Variants in ADAMTS2 observed in about 807,000 individuals in gnomAD.
ADAMTS2 encodes A disintegrin and metalloproteinase with thrombospondin motifs 2.
ADAMTS2 carries 50 observed loss-of-function variants against 123.0 expected under a neutral mutation model. The ratio of observed to expected loss-of-function variants is 0.41; its 90% confidence interval spans 0.32 to 0.51. The LOEUF (loss-of-function observed/expected upper bound fraction) is 0.51, where lower values mean the gene tolerates loss of function less well. Ranked by LOEUF, ADAMTS2 falls within the 20% of genes least tolerant of loss-of-function variation. ADAMTS2 has a pLI of 0.35. For synonymous variants in ADAMTS2, 678 were observed against 695.4 expected, an observed-to-expected ratio of 0.98 and a Z score of 0.39; for missense variants, 1,494 against 1,705.2, an observed-to-expected ratio of 0.88 and a Z score of 2.18.
At chr5:179,168,709 G>A (rs763888482) in intron 5 of ADAMTS2, among the ~76,000 whole-genome samples, 29 of 152,194 alleles carry the variant, frequency 1.9e-4, no homozygotes, top group Non-Finnish European at 2.6e-4. Context: ...TATGGACAAA[G>A]CCAGAATGAA....
At chr5:179,216,603 G>A (rs1349632971) in intron 3 of ADAMTS2, among the ~76,000 whole-genome samples, 2 of 152,200 alleles carry the variant, frequency 1.3e-5, no homozygotes, top group Non-Finnish European at 2.9e-5. Context: ...GACTTCCCCA[G>A]GAGGGGCCTT....
chr5:179,258,786 C>T (rs538822797), intron 3 of ADAMTS2, among the ~76,000 whole-genome samples: 8 of 152,066 alleles, frequency 5.3e-5, no homozygotes, highest in South Asian at 2.1e-4. Flanking sequence ...CACAGGCAGC[C>T]GGGTGGGGCT....
At chr5:179,241,488 G>A (rs186220755) in intron 3 of ADAMTS2, among the ~76,000 whole-genome samples, 2 of 152,170 alleles carry the variant, frequency 1.3e-5, no homozygotes, top group Non-Finnish European at 1.5e-5. Context: ...CATGAGTCAG[G>A]GCTTTGGGCC....
chr5:179,189,262 G>T lies in ADAMTS2; in HGVS notation c.892-8107C>A, dbSNP rs1319612459. On this transcript the variant is annotated intron_variant, in intron 4 of 21. Transcript: ENST00000251582. The surrounding 1 kb of genome is among the most constrained non-coding windows in gnomAD (Gnocchi z 4.2). Reference sequence around the variant, plus strand: ...GCTTTTTAATCACCTGGGTGCAGGTGGGCTGAGTCCAAAAAGAGAGTCAGC... The same window carrying T: ...GCTTTTTAATCACCTGGGTGCAGGTTGGCTGAGTCCAAAAAGAGAGTCAGC... Among the ~76,000 whole-genome samples the T allele has an allele frequency of 6.6e-6, 1 of 152,152 alleles. No individual in the cohort carries two copies. The highest frequency in any genetic ancestry group is 1.5e-5 in the Non-Finnish European group (1 of 68,030).
At chr5:179,204,360 C>T (rs1764630601) in intron 4 of ADAMTS2, among the ~76,000 whole-genome samples, 1 of 152,104 alleles carries the variant, frequency 6.6e-6, no homozygotes, top group Non-Finnish European at 1.5e-5. Context: ...TATATTTCAC[C>T]GCAATTAAAA....
intron 21 of ADAMTS2, 71 bp downstream of exon 21, chr5:179,121,590 C>T: frequency 7.6e-7 from 1 of 1,316,370 alleles, no homozygotes; most frequent in African/African-American, 1.5e-5. Context: ...GGAGGGGGGC[C>T]CAAGGCAAGC....
intron 10 of ADAMTS2, 50 bp downstream of exon 10, chr5:179,152,092 T>C: frequency 6.4e-7 from 1 of 1,551,596 alleles, no homozygotes; most frequent in Non-Finnish European, 8.9e-7. Context: ...GCACCTAAGA[T>C]TCCTGTCCTC....
rs932866716 is a variant in ADAMTS2, at chr5:179,125,869, T to C, written c.2750+129A>G. 6 of 1,362,438 alleles carry C rather than the reference T, an allele frequency of 4.4e-6. No homozygotes were observed. In the African/African-American group the frequency reaches 7.3e-5, roughly 16 times the overall value. The allele number at this position is 1,362,438 out of a possible 1,614,324, so 84.4% of individuals were successfully genotyped here. A position where few individuals can be genotyped will look rare whatever the true frequency, so the allele number is the denominator to read the frequency against. On this transcript the variant is annotated intron_variant, in intron 18 of 21. Coordinates refer to ENST00000251582, the MANE Select transcript of ADAMTS2 (RefSeq NM_014244.5). ...CTGCAGCATCTTAGATTCCATGAAATGTGGTGAGAGAGACTTGGTCAAATG... is the reference window on the plus strand; with the variant it reads ...CTGCAGCATCTTAGATTCCATGAAACGTGGTGAGAGAGACTTGGTCAAATG...
intron 5 of ADAMTS2, among the ~76,000 whole-genome samples, chr5:179,178,677 CTA>C (rs1279497201): frequency 2.0e-5 from 3 of 152,162 alleles, no homozygotes; most frequent in South Asian, 2.1e-4. Context: ...TTCATTGATT[CTA>C]TGTGTTTCTT....
intron 2 of ADAMTS2, among the ~76,000 whole-genome samples, chr5:179,274,647 G>A (rs996737932): frequency 2.0e-5 from 3 of 152,206 alleles, no homozygotes; most frequent in Non-Finnish European, 2.9e-5. Context: ...CCAGGTGCTC[G>A]GTGAGCCCCA....
rs1554128903 is a variant in ADAMTS2, at chr5:179,189,510, G to GCTTTTTTTTTTTTTTTT, written c.892-8356_892-8355insAAAAAAAAAAAAAAAAG. ...CTACAGGCGCCCGCCAGTGCGCCTG[G>GCTTTTTTTTTTTTTTTT]TTTTTTTTTTTTTTTTTTTTTTTTT... On this transcript the variant is annotated intron_variant, in intron 4 of 21. Transcript: ENST00000251582. The surrounding 1 kb of genome is among the most constrained non-coding windows in gnomAD (Gnocchi z 4.2). Among the ~76,000 whole-genome samples, 4 of 78,948 alleles carry GCTTTTTTTTTTTTTTTT rather than the reference G, an allele frequency of 5.1e-5. 1 individual carries two copies. Among genetic ancestry groups the GCTTTTTTTTTTTTTTTT allele is most frequent in the African/African-American group, 4.5e-5 (1 of 22,366 alleles). The allele number at this position is 78,948 out of a possible 152,430, so 51.8% of individuals were successfully genotyped here.
At chr5:179,172,256 C>T (rs1003263121) in intron 5 of ADAMTS2, among the ~76,000 whole-genome samples, 1 of 152,220 alleles carries the variant, frequency 6.6e-6, no homozygotes, top group South Asian at 2.1e-4. Flanking sequence ...CTGCACATGT[C>T]CCCATGTTGT....
In ADAMTS2 at chr5:179,272,103, A is replaced by T. The variant is rs1766552398; in HGVS notation, c.688+808T>A. 6.6e-6 allele frequency among the ~76,000 whole-genome samples: 1 copy of T among 152,190 alleles called. No homozygotes were observed. ...CCTGACCACACGGGGGACCCTGAGAACTATGGGCCTGCAGAACCACATCAG... is the reference window on the plus strand; with the variant it reads ...CCTGACCACACGGGGGACCCTGAGATCTATGGGCCTGCAGAACCACATCAG... On this transcript the variant is annotated intron_variant, in intron 3 of 21. Coordinates refer to ENST00000251582, the MANE Select transcript of ADAMTS2 (RefSeq NM_014244.5). The surrounding 1 kb of genome is among the most constrained non-coding windows in gnomAD (Gnocchi z 5.8).
chr5:179,299,442 TGG>T, intron 2 of ADAMTS2, among the ~76,000 whole-genome samples: 1 of 131,054 alleles, frequency 7.6e-6, no homozygotes, highest in Non-Finnish European at 1.6e-5. Flanking sequence ...GGCAGGAGAA[TGG>T]TGTGAACCCA....
chr5:179,131,478 C>T (rs926699688), intron 15 of ADAMTS2, among the ~76,000 whole-genome samples: 1 of 152,104 alleles, frequency 6.6e-6, no homozygotes, highest in Admixed American at 6.5e-5. Flanking sequence ...GTGGGAGCCC[C>T]AATCCTGTCC....
At chr5:179,145,889 G>C (rs1178151064) in intron 10 of ADAMTS2, among the ~76,000 whole-genome samples, 3 of 152,190 alleles carry the variant, frequency 2.0e-5, no homozygotes, top group Admixed American at 6.5e-5. Flanking sequence ...TTTCGCTCTT[G>C]TTGTCCCGGC....
intron 2 of ADAMTS2, among the ~76,000 whole-genome samples, chr5:179,309,573 T>C (rs922223410): frequency 6.6e-6 from 1 of 151,912 alleles, no homozygotes; most frequent in Non-Finnish European, 1.5e-5. Context: ...GTGGCTAACA[T>C]GGTGAAACCC....
intron 17 of ADAMTS2, among the ~76,000 whole-genome samples, chr5:179,126,897 C>T (rs1475713664): frequency 8.3e-6 from 1 of 121,026 alleles, no homozygotes; most frequent in Non-Finnish European, 2.0e-5. Flanking sequence ...CAAGGTGGGA[C>T]ATGGTGTGTA....
chr5:179,333,008 C>A (rs917523546), intron 2 of ADAMTS2, among the ~76,000 whole-genome samples: 1 of 152,194 alleles, frequency 6.6e-6, no homozygotes, highest in Non-Finnish European at 1.5e-5. Flanking sequence ...CTGTGAGGAC[C>A]CCTCCCTACT....
Sources: gnomAD v4.1 joint callset for allele counts (sites outside exome capture counted in the v4.1 genomes callset) on GRCh38, gnomAD v4.1.1 for gene constraint, Gnocchi (gnomAD v3.1) non-coding constraint, MANE v1.5 for transcripts, NCBI Gene and HGNC (gene_info 2026-07-23, HGNC 2026-07-21) for gene names.